DACH1: variants seen among roughly 807,000 people sequenced by gnomAD.
DACH1 encodes the protein dachshund homolog 1.
A neutral mutation model predicts 54.2 loss-of-function variants in DACH1; 12 were observed. The observed-to-expected ratio is 0.22, with a 90% CI of 0.14 to 0.36. The LOEUF is 0.36. Among genes scored for constraint, DACH1 ranks in the 10% least tolerant of loss-of-function variants. The probability of loss-of-function intolerance (pLI) is 1.00; values close to 1 mark genes in which losing one functional copy is unlikely to be tolerated. For missense variants in DACH1, 805 were observed against 929.8 expected (o/e 0.87, Z 1.75); for synonymous variants, 386 against 366.2 (o/e 1.05, Z -0.62).
chr13:71,643,993 G>A (rs1254533142), intron 2 of DACH1, among the ~76,000 whole-genome samples: 1 of 152,040 alleles, frequency 6.6e-6, no homozygotes, highest in African/African-American at 2.4e-5. Context: ...CTTTCTTTAG[G>A]TGTTGAATCT....
chr13:71,786,705 T>C (rs899696412), intron 1 of DACH1, among the ~76,000 whole-genome samples: 3 of 152,162 alleles, frequency 2.0e-5, no homozygotes, highest in African/African-American at 7.2e-5. Flanking sequence ...CCAATCTTTT[T>C]GCCCTGAGGA....
intron 1 of DACH1, among the ~76,000 whole-genome samples, chr13:71,694,233 AT>A (rs1386591703): frequency 6.6e-6 from 1 of 152,012 alleles, no homozygotes; most frequent in Admixed American, 6.6e-5. Flanking sequence ...CACATCCGCC[AT>A]TCCCCTCCAC....
At chr13:71,857,874 A>T (rs1478637024) in intron 1 of DACH1, among the ~76,000 whole-genome samples, 1 of 151,732 alleles carries the variant, frequency 6.6e-6, no homozygotes, top group African/African-American at 2.4e-5. Flanking sequence ...GATGGGTTCA[A>T]AGATTTGTTA....
chr13:71,469,727 T>C (rs986036777), intron 10 of DACH1, among the ~76,000 whole-genome samples: 2 of 152,208 alleles, frequency 1.3e-5, no homozygotes, highest in Non-Finnish European at 2.9e-5. Context: ...AAATATTTGT[T>C]GAAAAACTGA....
At chr13:71,805,221 A>G (rs1393555299) in intron 1 of DACH1, among the ~76,000 whole-genome samples, 1 of 152,172 alleles carries the variant, frequency 6.6e-6, no homozygotes, top group Non-Finnish European at 1.5e-5. Flanking sequence ...AATTATCATC[A>G]AAGTACCAGG....
At chr13:71,771,331 A>C (rs570613992) in intron 1 of DACH1, among the ~76,000 whole-genome samples, 198 of 149,430 alleles carry the variant, frequency 1.3e-3, no homozygotes, top group African/African-American at 4.5e-3. Flanking sequence ...ATAAATAAAT[A>C]AATAAATAAA....
At chr13:71,555,579 G>A (rs895194485) in intron 6 of DACH1, among the ~76,000 whole-genome samples, 4 of 151,848 alleles carry the variant, frequency 2.6e-5, no homozygotes, top group Non-Finnish European at 5.9e-5. Flanking sequence ...CTGACCTCGT[G>A]ATCTGCCTGC....
intron 3 of DACH1, among the ~76,000 whole-genome samples, chr13:71,620,952 C>T (rs1239778505): frequency 2.0e-5 from 3 of 151,736 alleles, no homozygotes; most frequent in Non-Finnish European, 4.4e-5. Flanking sequence ...TATAGATGAA[C>T]TCAATTGATA....
chr13:71,614,262 T>A (rs1032087943), intron 3 of DACH1, among the ~76,000 whole-genome samples: 1 of 152,174 alleles, frequency 6.6e-6, no homozygotes. Context: ...GAGAATTCCA[T>A]TGGTTTTGTC....
chr13:71,783,103 C>T (rs898923042), intron 1 of DACH1, among the ~76,000 whole-genome samples: 2 of 152,100 alleles, frequency 1.3e-5, no homozygotes, highest in South Asian at 2.1e-4. Flanking sequence ...TGGCTATACA[C>T]ACAGACGTAC....
chr13:71,762,473 T>A (rs1365321879), intron 1 of DACH1, among the ~76,000 whole-genome samples: 2 of 152,046 alleles, frequency 1.3e-5, no homozygotes, highest in African/African-American at 4.8e-5. Context: ...GGAATGTACA[T>A]CTAGGTCCGG....
chr13:71,826,934 C>T (rs1274751366), intron 1 of DACH1, among the ~76,000 whole-genome samples: 4 of 151,882 alleles, frequency 2.6e-5, no homozygotes, highest in Admixed American at 6.6e-5. Context: ...CAAAGTCTTC[C>T]GAAAGCTTTA....
rs932448050 is a variant in DACH1, at chr13:71,552,716, A to C, written c.1570+4308T>G. ...ATCAGCAATGTTTTAAAACACAGAA[A>C]GCTCTTGAGGACTCCGGATGTTTGG... On this transcript the variant is annotated intron_variant, in intron 6 of 10. Transcript: ENST00000613252. Among the ~76,000 whole-genome samples, 32 of 146,052 alleles carry C rather than the reference A, an allele frequency of 2.2e-4. 1 individual carries two copies. Among genetic ancestry groups the C allele is most frequent in the Admixed American group, 2.0e-3 (29 of 14,434 alleles).
intron 2 of DACH1, among the ~76,000 whole-genome samples, chr13:71,680,644 C>G (rs778493034): frequency 4.0e-5 from 6 of 151,806 alleles, no homozygotes; most frequent in Admixed American, 6.6e-5. Flanking sequence ...ATTATTGAGG[C>G]CTTGCTGAAA....
chr13:71,778,607 A>T (rs1022032971), intron 1 of DACH1, among the ~76,000 whole-genome samples: 12 of 132,874 alleles, frequency 9.0e-5, no homozygotes, highest in African/African-American at 3.8e-5. Context: ...AATAGTTTAT[A>T]AAAAAAATTC....
rs142740964 is a variant in DACH1, at chr13:71,757,654, G to A, written c.849-75744C>T. 2.1e-4 allele frequency among the ~76,000 whole-genome samples: 32 copies of A among 151,570 alleles called. No individual in the cohort carries two copies. In the East Asian group the frequency reaches 3.5e-3, roughly 17 times the overall value. On this transcript the variant is annotated intron_variant, in intron 1 of 10. Transcript: ENST00000613252. ...TGCTCCAGCCTCAACCTCCTGAGTA[G>A]CTGGGATTACAGGCACCCGCCATTA...
intron 10 of DACH1, among the ~76,000 whole-genome samples, chr13:71,473,905 A>T (rs1877296422): frequency 6.6e-6 from 1 of 152,162 alleles, no homozygotes; most frequent in Admixed American, 6.5e-5. Context: ...CATTAACAGT[A>T]ATTTTGAACA....
intron 2 of DACH1, 104 bp downstream of exon 2, chr13:71,681,691 T>C (rs1880902475): frequency 3.0e-6 from 2 of 670,052 alleles, no homozygotes; most frequent in East Asian, 5.3e-5. Context: ...GTGCACAAAA[T>C]ATAATTGATG....
chr13:71,646,289 A>G (rs556759655), intron 2 of DACH1, among the ~76,000 whole-genome samples: 256 of 151,824 alleles, frequency 1.7e-3, no homozygotes, highest in African/African-American at 6.0e-3. Context: ...GTGAGCCGAG[A>G]CTGCGCCATT....
Sources: allele counts gnomAD v4.1 joint callset (sites outside exome capture counted in the v4.1 genomes callset), GRCh38; gene constraint gnomAD v4.1.1; transcripts MANE v1.5; gene names NCBI Gene and HGNC (gene_info 2026-07-23, HGNC 2026-07-21).